Variants in IRAG2 observed in about 807,000 individuals in gnomAD.
IRAG2 encodes the protein lymphoid restricted membrane protein.
IRAG2 carries 45 observed loss-of-function variants against 69.9 expected under a neutral mutation model. That is an observed-to-expected ratio of 0.64 (90% CI 0.51 to 0.83). The LOEUF (loss-of-function observed/expected upper bound fraction) is 0.83. Ranked by LOEUF, IRAG2 falls within the 40% of genes least tolerant of loss-of-function variation. The pLI is 0.00. For missense variants in IRAG2, 520 were observed against 587.0 expected (o/e 0.89, Z 1.18); for synonymous variants, 193 against 202.4 (o/e 0.95, Z 0.40).
At chr12:25,011,304 G>A in intron 2 of IRAG2, 3 of 1,179,574 alleles carry the variant, frequency 2.5e-6, no homozygotes, top group Non-Finnish European at 3.2e-6. Flanking sequence ...AAAGAGATAG[G>A]TGCTTCACTT....
intron 1 of IRAG2, among the ~76,000 whole-genome samples, chr12:25,057,399 T>A (rs1170576862): frequency 6.6e-6 from 1 of 151,028 alleles, no homozygotes; most frequent in Non-Finnish European, 1.5e-5. Context: ...GCTAGGACTA[T>A]AGGCGAGCAC....
At chr12:25,004,643 A>C in exon 1 of IRAG2, 2 of 1,231,930 alleles carry the variant, frequency 1.6e-6, no homozygotes, top group Non-Finnish European at 2.0e-6. Flanking sequence ...TCCACCTCTC[A>C]CCTCAGCTCC....
chr12:25,016,947 T>C (rs1013404682), intron 5 of IRAG2, among the ~76,000 whole-genome samples: 15 of 152,174 alleles, frequency 9.9e-5, no homozygotes, highest in African/African-American at 3.6e-4. Context: ...TTTGATGCTA[T>C]TGTAATAAAA....
chr12:25,101,249 A>AG lies in IRAG2; in HGVS notation c.814dup (p.Glu272GlyfsTer4), dbSNP rs1183493001. 6.2e-7 allele frequency: 1 copy of AG among 1,612,914 alleles called. No homozygotes were observed. The highest frequency in any genetic ancestry group is 8.5e-7 in the Non-Finnish European group (1 of 1,179,224). ...AAAACTTGAAGAGGATGTATGCCAA[A>AG]GAGCACGCTGAATTAGAAGAACTGA... On this transcript the variant is annotated frameshift_variant, in exon 16 of 22. Transcript: ENST00000556887. LOFTEE classifies it high-confidence loss of function.
At chr12:25,096,119 A>G (rs1171765672) in intron 14 of IRAG2, among the ~76,000 whole-genome samples, 2 of 80,746 alleles carry the variant, frequency 2.5e-5, no homozygotes, top group African/African-American at 7.0e-5. Context: ...GATTGTCCCC[A>G]CTGGACAGAT....
intron 1 of IRAG2, among the ~76,000 whole-genome samples, chr12:25,059,574 G>A (rs994547100): frequency 1.3e-5 from 2 of 152,118 alleles, no homozygotes; most frequent in East Asian, 3.9e-4. Flanking sequence ...GGCTGGTCTC[G>A]AACTCCCGAC....
At chr12:25,073,063 G>A (rs1946435948) in intron 6 of IRAG2, among the ~76,000 whole-genome samples, 1 of 152,186 alleles carries the variant, frequency 6.6e-6, no homozygotes. Flanking sequence ...AGGTTTTTCT[G>A]TGGGTTGGCC....
At position 25,078,081 on chromosome 12, in the gene IRAG2, A is replaced by G. The variant is rs527881101; in HGVS notation, c.25-1163A>G. On this transcript the variant is annotated intron_variant, in intron 6 of 21. Coordinates refer to ENST00000556887, the MANE Select transcript of IRAG2 (RefSeq NM_001366544.2). ...CGATATGTGTTTGAAAGCTGACTCC[A>G]CCATTCTGACTGGTCTTGGGAAATT... is the stretch of plus-strand genomic sequence containing the variant. Among the ~76,000 whole-genome samples the G allele has an allele frequency of 2.0e-5, 3 of 152,264 alleles. No individual in the cohort carries two copies. The South Asian group carries it at 6.2e-4, about 32-fold the overall frequency.
intron 10 of IRAG2, among the ~76,000 whole-genome samples, chr12:25,086,471 C>T (rs778499054): frequency 6.6e-6 from 1 of 152,068 alleles, no homozygotes; most frequent in Non-Finnish European, 1.5e-5. Flanking sequence ...GGCTGCATAC[C>T]CATATTCATA....
At chr12:25,056,353 A>G (rs1396399731) in intron 1 of IRAG2, among the ~76,000 whole-genome samples, 1 of 152,224 alleles carries the variant, frequency 6.6e-6, no homozygotes, top group African/African-American at 2.4e-5. Context: ...TTGCTCAACA[A>G]CTCTGATAGG....
rs1450270058 is a variant in IRAG2 at position 25,087,180 on chromosome 12, T to TTTTTTTTTTTTTTTTTTGTTG, written c.316-918_316-917insTTTTTTTTTTTTTTTGTTGTT. Among the ~76,000 whole-genome samples, 15 of 125,228 alleles carry TTTTTTTTTTTTTTTTTTGTTG rather than the reference T, an allele frequency of 1.2e-4. 1 individual carries two copies. The highest frequency in any genetic ancestry group is 4.4e-4 in the African/African-American group (14 of 32,054). 82.2% of individuals were successfully genotyped at this position (125,228 alleles called of 152,430 possible). ...TTTTTTTTTTTTTTTTTTTTTTTTTTTTGTTGAGACAGAGCCTTGCACTGC... is the reference window on the plus strand; with the variant it reads ...TTTTTTTTTTTTTTTTTTTTTTTTTTTTTTTTTTTTTTTTTTTGTTGTTGTTGAGACAGAGCCTTGCACTGC... On this transcript the variant is annotated intron_variant, in intron 10 of 21. Coordinates refer to ENST00000556887, the MANE Select transcript of IRAG2 (RefSeq NM_001366544.2).
intron 10 of IRAG2, among the ~76,000 whole-genome samples, chr12:25,084,024 G>A (rs1389441442): frequency 2.2e-5 from 2 of 90,498 alleles, no homozygotes; most frequent in East Asian, 5.7e-4. Context: ...ACAGTTGCAT[G>A]GTAAAGCTCT....
chr12:25,074,699 T>C (rs1046346143), intron 6 of IRAG2, among the ~76,000 whole-genome samples: 1 of 152,216 alleles, frequency 6.6e-6, no homozygotes, highest in African/African-American at 2.4e-5. Flanking sequence ...GGCCAGAGTA[T>C]ATCTTGAAAC....
At chr12:25,033,520 C>T (rs997629583) in intron 12 of IRAG2, among the ~76,000 whole-genome samples, 11 of 152,174 alleles carry the variant, frequency 7.2e-5, no homozygotes, top group African/African-American at 2.7e-4. Flanking sequence ...GACATCAAAA[C>T]GGTATGGACC....
At chr12:25,100,356 A>G (rs192053229) in intron 15 of IRAG2, among the ~76,000 whole-genome samples, 2 of 152,306 alleles carry the variant, frequency 1.3e-5, no homozygotes, top group East Asian at 3.9e-4. Flanking sequence ...AGTTAAACAT[A>G]GAATTACCAT....
rs200711221 is a variant in IRAG2 at position 25,015,163 on chromosome 12, T to TC, written c.897-19_897-18insC. Reference sequence around the variant, plus strand: ...CCTAGCTCACTGGTTTTGTTTTTTTTTTTTTTTTTTGGCTACAGGGAAGGA... The same window carrying TC: ...CCTAGCTCACTGGTTTTGTTTTTTTTCTTTTTTTTTTGGCTACAGGGAAGGA... On this transcript the variant is annotated intron_variant, in intron 3 of 38. Transcript: ENST00000636465. The TC allele has an allele frequency of 2.7e-3, 3,186 of 1,197,252 alleles. 35 individuals are homozygous for TC. The East Asian group carries it at 0.079, about 30-fold the overall frequency. The allele number at this position is 1,197,252 out of a possible 1,614,324, so 74.2% of individuals were successfully genotyped here. A position where few individuals can be genotyped will look rare whatever the true frequency, so the allele number is the denominator to read the frequency against.
At chr12:25,069,549 G>T in intron 6 of IRAG2, 118 bp downstream of exon 6, 1 of 870,300 alleles carries the variant, frequency 1.1e-6, no homozygotes, top group Non-Finnish European at 1.8e-6. Context: ...TATTCTTGTA[G>T]CAAGTCTGAG....
chr12:25,008,744 A>G (rs1944451750), intron 2 of IRAG2, among the ~76,000 whole-genome samples: 1 of 152,190 alleles, frequency 6.6e-6, no homozygotes, highest in Non-Finnish European at 1.5e-5. Flanking sequence ...ATCTCAAAAT[A>G]AAAGAAAAAT....
At chr12:25,090,218 G>C in intron 14 of IRAG2, 21 bp downstream of exon 14, 1 of 1,610,218 alleles carries the variant, frequency 6.2e-7, no homozygotes, top group Non-Finnish European at 8.5e-7. Context: ...GAACATTTGG[G>C]ATATAAACAT....
Sources: gnomAD v4.1 joint callset for allele counts (sites outside exome capture counted in the v4.1 genomes callset) on GRCh38, gnomAD v4.1.1 for gene constraint, MANE v1.5 for transcripts, NCBI Gene and HGNC (gene_info 2026-07-23, HGNC 2026-07-21) for gene names.